Variants in WWP2 observed in about 807,000 individuals in gnomAD.
The protein encoded by WWP2 is NEDD4-like E3 ubiquitin-protein ligase WWP2.
WWP2 carries 57 observed loss-of-function variants against 121.0 expected under a neutral mutation model. The ratio of observed to expected loss-of-function variants is 0.47; its 90% CI spans 0.38 to 0.59. The LOEUF (loss-of-function observed/expected upper bound fraction) is 0.59. Among genes scored for constraint, WWP2 ranks in the 20% least tolerant of loss-of-function variants. The pLI, the probability that WWP2 is intolerant of heterozygous loss-of-function variation, is 0.00. For synonymous variants in WWP2, 449 were observed against 441.3 expected (o/e 1.02, Z -0.22); for missense variants, 962 against 1,158.9 (o/e 0.83, Z 2.47).
chr16:69,914,185 T>G (rs1214175135), intron 9 of WWP2, among the ~76,000 whole-genome samples: 1 of 150,902 alleles, frequency 6.6e-6, no homozygotes, highest in Non-Finnish European at 1.5e-5. Context: ...AGCAAGAACT[T>G]GCGGAATAGC....
chr16:69,841,070 T>C (rs1463479010), intron 5 of WWP2, among the ~76,000 whole-genome samples: 1 of 152,210 alleles, frequency 6.6e-6, no homozygotes, highest in African/African-American at 2.4e-5. Context: ...CATTCACTCA[T>C]TCAACACATA....
chr16:69,936,532 C>G (rs2058801363), intron 19 of WWP2, 80 bp downstream of exon 19: 1 of 1,576,614 alleles, frequency 6.3e-7, no homozygotes, highest in African/African-American at 1.3e-5. Context: ...GGGCCCCCAC[C>G]TGTGGCCCAT....
Position 69,929,445 on chromosome 16 carries a change from C to T in WWP2, c.1235-3C>T, listed in dbSNP as rs779018661. Reference sequence around the variant, plus strand: ...ATGTTCTTTCTTTCTTCTCATGTGGCAGAGAAGAGACAGGACAATGGACGG... The same window carrying T: ...ATGTTCTTTCTTTCTTCTCATGTGGTAGAGAAGAGACAGGACAATGGACGG... On this transcript the variant is annotated splice_region_variant and splice_polypyrimidine_tract_variant and intron_variant, in intron 11 of 23. Transcript: ENST00000359154. 9 of 1,612,708 alleles carry T rather than the reference C, an allele frequency of 5.6e-6. No homozygotes were observed. The highest frequency in any genetic ancestry group is 1.3e-5 in the African/African-American group (1 of 74,882).
intron 4 of WWP2, among the ~76,000 whole-genome samples, chr16:69,805,779 C>CA (rs1353570860): frequency 3.1e-5 from 4 of 130,650 alleles, no homozygotes; most frequent in Non-Finnish European, 6.7e-5. Context: ...AATTTTTTTT[C>CA]TTTTTTTTTT....
chr16:69,911,246 G>A (rs1178346122), intron 9 of WWP2, among the ~76,000 whole-genome samples: 1 of 152,168 alleles, frequency 6.6e-6, no homozygotes, highest in Non-Finnish European at 1.5e-5. Flanking sequence ...TTCTATCCGG[G>A]AGCAATAAGT....
At chr16:69,771,105 A>T (rs2151767719) in intron 1 of WWP2, among the ~76,000 whole-genome samples, 1 of 152,152 alleles carries the variant, frequency 6.6e-6, no homozygotes, top group East Asian at 1.9e-4. Flanking sequence ...GGTTCAGCTT[A>T]TTAGCCTCCA....
At chr16:69,923,807 G>C (rs1288877542) in intron 10 of WWP2, among the ~76,000 whole-genome samples, 3 of 152,158 alleles carry the variant, frequency 2.0e-5, no homozygotes, top group Non-Finnish European at 4.4e-5. Flanking sequence ...TTTCTCATTT[G>C]TTCCTTTGCC....
intron 7 of WWP2, among the ~76,000 whole-genome samples, chr16:69,875,937 T>C (rs1447901747): frequency 4.6e-5 from 7 of 152,130 alleles, no homozygotes; most frequent in Admixed American, 1.3e-4. Context: ...GAGTCCTTTT[T>C]AGTTTTTATT....
chr16:69,894,453 G>A (rs367896673), intron 8 of WWP2, among the ~76,000 whole-genome samples: 34 of 152,284 alleles, frequency 2.2e-4, no homozygotes, highest in Middle Eastern at 3.4e-3. Flanking sequence ...CACGTTTTAA[G>A]AACTGAAGGC....
At chr16:69,798,450 G>A (rs961889496) in intron 2 of WWP2, among the ~76,000 whole-genome samples, 1 of 151,404 alleles carries the variant, frequency 6.6e-6, no homozygotes, top group Admixed American at 6.6e-5. Flanking sequence ...GATGATCACT[G>A]GCAGTTATCC....
chr16:69,938,132 C>A (rs915889123), intron 21 of WWP2, among the ~76,000 whole-genome samples: 1 of 151,908 alleles, frequency 6.6e-6, no homozygotes, highest in Non-Finnish European at 1.5e-5. Context: ...TGTACGTATA[C>A]AAATTTTTTG....
At chr16:69,769,493 CT>C (rs2055368988) in intron 1 of WWP2, among the ~76,000 whole-genome samples, 1 of 152,018 alleles carries the variant, frequency 6.6e-6, no homozygotes, top group African/African-American at 2.4e-5. Flanking sequence ...TGTGTAATTT[CT>C]GCTTTTCCCT....
intron 1 of WWP2, among the ~76,000 whole-genome samples, chr16:69,777,089 GAT>G (rs35140828): frequency 1.2e-4 from 17 of 143,976 alleles, no homozygotes; most frequent in African/African-American, 3.6e-4. Flanking sequence ...ACAGTATATG[GAT>G]ATATATATAC....
chr16:69,829,353 A>T (rs2056756186), intron 4 of WWP2, among the ~76,000 whole-genome samples: 1 of 152,160 alleles, frequency 6.6e-6, no homozygotes, highest in African/African-American at 2.4e-5. Context: ...AAAACCCTTT[A>T]GCACTGTGCA....
intron 11 of WWP2, among the ~76,000 whole-genome samples, chr16:69,926,398 A>C (rs1184708260): frequency 6.6e-6 from 1 of 152,180 alleles, no homozygotes; most frequent in Non-Finnish European, 1.5e-5. Flanking sequence ...TGGTGTTGAC[A>C]GATGGTGTGA....
chr16:69,861,083 G>A (rs1378375273), intron 6 of WWP2, among the ~76,000 whole-genome samples: 1 of 152,182 alleles, frequency 6.6e-6, no homozygotes, highest in Non-Finnish European at 1.5e-5. Flanking sequence ...GCACAGTGGA[G>A]GTTGATGGGG....
chr16:69,908,458 A>AT (rs1166746531), intron 8 of WWP2, among the ~76,000 whole-genome samples: 12 of 150,616 alleles, frequency 8.0e-5, no homozygotes, highest in South Asian at 2.1e-4. Context: ...GAAATGCTGA[A>AT]TTTTTTTAAA....
intron 8 of WWP2, among the ~76,000 whole-genome samples, chr16:69,893,897 A>G (rs903125970): frequency 2.0e-5 from 3 of 152,080 alleles, no homozygotes; most frequent in Admixed American, 6.6e-5. Context: ...ACTGGCAGAT[A>G]CTGTGCAGCA....
At chr16:69,853,451 C>T (rs1460312362) in intron 6 of WWP2, among the ~76,000 whole-genome samples, 3 of 152,242 alleles carry the variant, frequency 2.0e-5, no homozygotes, top group African/African-American at 4.8e-5. Flanking sequence ...CAAATGGCTT[C>T]TGCCTTCCTT....
Sources: gnomAD v4.1 joint callset for allele counts (sites outside exome capture counted in the v4.1 genomes callset) on GRCh38, gnomAD v4.1.1 for gene constraint, MANE v1.5 for transcripts, NCBI Gene and HGNC (gene_info 2026-07-23, HGNC 2026-07-21) for gene names.